PCDH9: variants seen among roughly 807,000 people sequenced by gnomAD.
PCDH9 encodes protocadherin-9.
A neutral mutation model predicts 70.6 loss-of-function variants in PCDH9; 24 were observed. The ratio of observed to expected loss-of-function variants is 0.34; its 90% CI spans 0.25 to 0.48. The LOEUF (loss-of-function observed/expected upper bound fraction) is 0.48, where lower values mean the gene tolerates loss of function less well. Among genes scored for constraint, PCDH9 ranks in the 20% least tolerant of loss-of-function variants. The pLI, the probability that PCDH9 is intolerant of heterozygous loss-of-function variation, is 0.99. For missense variants in PCDH9, 1,281 were observed against 1,503.6 expected, an observed-to-expected ratio of 0.85 and a Z score of 2.45; for synonymous variants, 562 against 558.5, an observed-to-expected ratio of 1.01 and a Z score of -0.09.
intron 2 of PCDH9, among the ~76,000 whole-genome samples, chr13:67,183,239 T>G (rs982353128): frequency 2.0e-5 from 3 of 152,154 alleles, no homozygotes; most frequent in African/African-American, 7.2e-5. Context: ...ATCAAATCTA[T>G]TTCTACCACG....
At position 67,226,005 on chromosome 13, in the gene PCDH9, A is replaced by G; in HGVS notation, c.2436T>C (p.Tyr812=). 1.2e-6 allele frequency: 2 copies of G among 1,614,102 alleles called. No individual in the cohort carries two copies. The highest frequency in any genetic ancestry group is 1.7e-6 in the Non-Finnish European group (2 of 1,180,016). The change falls in exon 2 of 5, where the codon TAT becomes TAC. Residue 812 remains tyrosine (Y), a synonymous_variant. Coordinates refer to ENST00000377865, the MANE Select transcript of PCDH9 (RefSeq NM_203487.3). This position sits in a 1 kb window ranked among gnomAD's most constrained non-coding sequence, Gnocchi z 5.0. ...DSSQPYQNED[Y]LTIMIAIIAG... The stretch of plus-strand genomic sequence containing the variant: ...CGATGATGGCAATCATGATGGTTAG[A>G]TAGTCCTCATTTTGATAGGGTTGGC...
chr13:66,517,134 A>G (rs915071923), intron 4 of PCDH9, among the ~76,000 whole-genome samples: 1 of 152,136 alleles, frequency 6.6e-6, no homozygotes, highest in Non-Finnish European at 1.5e-5. Flanking sequence ...CATTTCTGGT[A>G]TCTTTAATTT....
chr13:66,400,880 C>A (rs544869412), intron 4 of PCDH9, among the ~76,000 whole-genome samples: 3 of 152,236 alleles, frequency 2.0e-5, no homozygotes, highest in South Asian at 2.1e-4. Flanking sequence ...ATTTCCATTC[C>A]TCTGTGCTTT....
chr13:66,523,618 T>C (rs1433938793), intron 4 of PCDH9, among the ~76,000 whole-genome samples: 1 of 151,868 alleles, frequency 6.6e-6, no homozygotes, highest in African/African-American at 2.4e-5. Context: ...GCACAGTGAT[T>C]CAGTGGAAGA....
intron 3 of PCDH9, among the ~76,000 whole-genome samples, chr13:66,860,639 T>A (rs2081467489): frequency 6.6e-6 from 1 of 152,230 alleles, no homozygotes; most frequent in South Asian, 2.1e-4. Context: ...CTCTGGCAGC[T>A]TGAACACGCT....
At chr13:66,749,563 C>G (rs189297221) in intron 3 of PCDH9, among the ~76,000 whole-genome samples, 3 of 152,252 alleles carry the variant, frequency 2.0e-5, no homozygotes, top group Admixed American at 2.0e-4. Context: ...CAGTTTAATT[C>G]CAAAATTAGT....
chr13:66,685,357 G>C (rs1393407736), intron 3 of PCDH9, among the ~76,000 whole-genome samples: 2 of 152,216 alleles, frequency 1.3e-5, no homozygotes, highest in East Asian at 3.9e-4. Context: ...ACATGGTGTT[G>C]GGCCTGCAAG....
At chr13:66,307,604 C>G (rs1955490364) in intron 4 of PCDH9, among the ~76,000 whole-genome samples, 1 of 151,994 alleles carries the variant, frequency 6.6e-6, no homozygotes, top group African/African-American at 2.4e-5. Context: ...AGCCTACAAG[C>G]AAACTTTTAA....
chr13:67,187,360 T>A (rs1189771509), intron 2 of PCDH9, among the ~76,000 whole-genome samples: 1 of 152,180 alleles, frequency 6.6e-6, no homozygotes, highest in Non-Finnish European at 1.5e-5. Context: ...TATAGAAATG[T>A]GCACCAAAGT....
At chr13:66,496,192 T>G (rs954410753) in intron 4 of PCDH9, among the ~76,000 whole-genome samples, 15 of 152,338 alleles carry the variant, frequency 9.8e-5, no homozygotes, top group Non-Finnish European at 2.2e-4. Flanking sequence ...CTTCTCCTAC[T>G]CAAACATCAT....
intron 4 of PCDH9, among the ~76,000 whole-genome samples, chr13:66,551,916 C>T (rs559676602): frequency 4.6e-4 from 70 of 152,100 alleles, no homozygotes; most frequent in Admixed American, 8.5e-4. Context: ...AGATTTTGTC[C>T]TGAGTGAGAG....
At chr13:67,219,515 G>A (rs2089679148) in intron 2 of PCDH9, 1 of 151,510 alleles carries the variant, frequency 6.6e-6, no homozygotes, top group Admixed American at 6.6e-5. Context: ...GGGGGTCGCT[G>A]ACTATGTCAA....
intron 2 of PCDH9, among the ~76,000 whole-genome samples, chr13:67,011,212 A>G (rs1255212452): frequency 6.6e-6 from 1 of 151,872 alleles, no homozygotes; most frequent in Non-Finnish European, 1.5e-5. Flanking sequence ...CCCCCCCAGT[A>G]CTTATTAGGC....
At chr13:67,096,950 T>C (rs1168822274) in intron 2 of PCDH9, among the ~76,000 whole-genome samples, 2 of 152,136 alleles carry the variant, frequency 1.3e-5, no homozygotes, top group African/African-American at 2.4e-5. Flanking sequence ...GTTTTTAAAA[T>C]ATTTTAAGAA....
At chr13:67,095,935 T>C (rs980425260) in intron 2 of PCDH9, among the ~76,000 whole-genome samples, 2 of 152,164 alleles carry the variant, frequency 1.3e-5, no homozygotes, top group Non-Finnish European at 2.9e-5. Context: ...GATTTCCCCA[T>C]GCCAAGGCTG....
chr13:67,126,579 G>A (rs1199445170), intron 2 of PCDH9, among the ~76,000 whole-genome samples: 8 of 152,288 alleles, frequency 5.3e-5, no homozygotes, highest in South Asian at 2.1e-4. Context: ...GGCCTGGCAC[G>A]GTGGTTCACA....
chr13:67,105,921 A>G (rs1253400458), intron 2 of PCDH9, among the ~76,000 whole-genome samples: 2 of 150,806 alleles, frequency 1.3e-5, no homozygotes, highest in Non-Finnish European at 3.0e-5. Context: ...AGAAATATAC[A>G]TATATATTTA....
At chr13:66,527,811 A>G (rs927905236) in intron 4 of PCDH9, among the ~76,000 whole-genome samples, 39 of 152,250 alleles carry the variant, frequency 2.6e-4, no homozygotes, top group African/African-American at 9.4e-4. Flanking sequence ...TGAGGTCAGG[A>G]GTTCAAGACC....
At chr13:67,142,307 T>A (rs549718788) in intron 2 of PCDH9, among the ~76,000 whole-genome samples, 1 of 152,318 alleles carries the variant, frequency 6.6e-6, no homozygotes, top group South Asian at 2.1e-4. Flanking sequence ...AGATCTTACA[T>A]TGATTCAGTA....
Sources: gnomAD v4.1 joint callset for allele counts (sites outside exome capture counted in the v4.1 genomes callset) on GRCh38, gnomAD v4.1.1 for gene constraint, Gnocchi (gnomAD v3.1) non-coding constraint, MANE v1.5 for transcripts, NCBI Gene and HGNC (gene_info 2026-07-23, HGNC 2026-07-21) for gene names.